Variants in DHX9 observed in about 807,000 individuals in gnomAD.
DHX9 encodes DExH-box helicase 9, also known as ATP-dependent RNA helicase A.
DHX9 carries 27 observed loss-of-function variants against 148.7 expected under a neutral mutation model. The observed-to-expected ratio is 0.18, with a 90% CI of 0.13 to 0.25. DHX9 has a LOEUF of 0.25. Among genes scored for constraint, DHX9 ranks in the 10% least tolerant of loss-of-function variants. The probability of loss-of-function intolerance (pLI) is 1.00; values close to 1 mark genes in which losing one functional copy is unlikely to be tolerated. For missense variants in DHX9, 796 were observed against 1,559.6 expected (o/e 0.51, Z 8.25); for synonymous variants, 529 against 516.6 (o/e 1.02, Z -0.33).
intron 21 of DHX9, 150 bp downstream of exon 21, chr1:182,879,560 ATAGT>A (rs1332883468): frequency 3.8e-5 from 22 of 583,670 alleles, no homozygotes; most frequent in South Asian, 2.0e-4. Context: ...CTTACCTTAG[ATAGT>A]TAGTATAGTC....
At chr1:182,860,575 G>A (rs538179430) in intron 12 of DHX9, among the ~76,000 whole-genome samples, 1 of 152,310 alleles carries the variant, frequency 6.6e-6, no homozygotes, top group African/African-American at 2.4e-5. Flanking sequence ...CTAAGCAGTA[G>A]CTTTTTAGAA....
chr1:182,874,912 AAAG>A lies in DHX9; in HGVS notation c.1780_1782del (p.Lys594del), dbSNP rs749540373. ...ACTTTGTTCCTCCACCAAAAGACAAAAAGAAGAAGGATAAGGATGATGATGGTG... is the reference window on the plus strand; with the variant it reads ...ACTTTGTTCCTCCACCAAAAGACAAAAAGAAGGATAAGGATGATGATGGTG... On this transcript the variant is annotated inframe_deletion, in exon 16 of 28. Transcript: ENST00000367549. 6.2e-6 allele frequency: 10 copies of A among 1,613,416 alleles called. No homozygotes were observed. The highest frequency in any genetic ancestry group is 1.3e-5 in the African/African-American group (1 of 74,888).
At chr1:182,867,157 C>G in intron 14 of DHX9, 114 bp downstream of exon 14, 1 of 613,196 alleles carries the variant, frequency 1.6e-6, no homozygotes, top group Non-Finnish European at 2.7e-6. Flanking sequence ...AAACCATGAA[C>G]TTCAGTCACT....
At chr1:182,877,231 A>G (rs1294537747) in intron 19 of DHX9, among the ~76,000 whole-genome samples, 2 of 152,162 alleles carry the variant, frequency 1.3e-5, no homozygotes, top group African/African-American at 4.8e-5. Flanking sequence ...TTGATGAATA[A>G]AGATGACCAG....
chr1:182,851,828 A>G (rs779392135), intron 3 of DHX9, among the ~76,000 whole-genome samples: 7 of 152,240 alleles, frequency 4.6e-5, no homozygotes, highest in Admixed American at 2.0e-4. Flanking sequence ...AAAGTATTTG[A>G]TAAAATTAAA....
In DHX9 at chr1:182,858,658, T is replaced by A; in HGVS notation, c.900+18T>A. On this transcript the variant is annotated intron_variant, in intron 9 of 27. Coordinates refer to ENST00000367549, the MANE Select transcript of DHX9 (RefSeq NM_001357.5). ...TGCCCCCGGTAAGCATAAAGCTGTT[T>A]AGTTCACATTTACGTAGAACTCTCC... is the stretch of plus-strand genomic sequence containing the variant. 2 of 1,609,338 alleles carry A rather than the reference T, an allele frequency of 1.2e-6. No individual in the cohort carries two copies. The highest frequency in any genetic ancestry group is 1.7e-6 in the Non-Finnish European group (2 of 1,176,586).
chr1:182,876,070 T>C lies in DHX9; in HGVS notation c.1836T>C (p.Cys612=). The change falls in exon 17 of 28, where the codon TGT becomes TGC. Residue 612 remains cysteine (C), a synonymous_variant. Coordinates refer to ENST00000367549, the MANE Select transcript of DHX9 (RefSeq NM_001357.5). Reference sequence around the variant, plus strand: ...TACAGGCAAATTGCAACTTGATCTGTGGTGATGAATATGGTCCAGAAACAA... The same window carrying C: ...TACAGGCAAATTGCAACTTGATCTGCGGTGATGAATATGGTCCAGAAACAA... ...EDDDANCNLI[C]GDEYGPETRL... The C allele has an allele frequency of 1.9e-6, 3 of 1,613,776 alleles. No individual in the cohort carries two copies. The highest frequency in any genetic ancestry group is 2.5e-6 in the Non-Finnish European group (3 of 1,179,782).
chr1:182,876,950 G>GT, intron 19 of DHX9, 47 bp downstream of exon 19: 6 of 1,405,216 alleles, frequency 4.3e-6, no homozygotes, highest in Non-Finnish European at 6.0e-6. Flanking sequence ...TTACTAACTG[G>GT]AAACTTCTTA....
chr1:182,886,544 G>A (rs1171780945), intron 27 of DHX9, among the ~76,000 whole-genome samples: 3 of 152,110 alleles, frequency 2.0e-5, no homozygotes, highest in Admixed American at 6.6e-5. Context: ...TGTTATTCTC[G>A]AAGAAAAGCT....
At chr1:182,858,362 C>A in intron 8 of DHX9, 122 bp downstream of exon 8, 1 of 1,196,308 alleles carries the variant, frequency 8.4e-7, no homozygotes, top group Non-Finnish European at 1.2e-6. Context: ...AATGGCCCTG[C>A]TAATCATCTC....
At chr1:182,857,009 C>T (rs1045336841) in intron 7 of DHX9, among the ~76,000 whole-genome samples, 7 of 152,098 alleles carry the variant, frequency 4.6e-5, no homozygotes, top group Non-Finnish European at 8.8e-5. Flanking sequence ...CCACCAAGCC[C>T]GGCTGATTAT....
chr1:182,857,958 T>G, intron 7 of DHX9, 146 bp from the exon 8 acceptor site: 1 of 731,700 alleles, frequency 1.4e-6, no homozygotes, highest in South Asian at 2.3e-5. Flanking sequence ...TTAGCAGATA[T>G]TAATAGAATA....
chr1:182,883,149 G>C lies in DHX9; in HGVS notation c.2925G>C (p.Leu975Phe). 6.2e-7 allele frequency: 1 copy of C among 1,613,346 alleles called. No homozygotes were observed. The highest frequency in any genetic ancestry group is 8.5e-7 in the Non-Finnish European group (1 of 1,179,384). Residue 975 changes from leucine to phenylalanine, a missense_variant, in exon 25 of 28, where the codon TTG becomes TTC. Transcript: ENST00000367549. Reference protein sequence around the residue: ...INSGFPEDCLLTQVFTNTGPD... With the variant: ...INSGFPEDCLFTQVFTNTGPD... Reference sequence around the variant, plus strand: ...TGCTCCTCTTAACAGATTGTTTGTTGACACAAGTGTTTACTAACACTGGAC... The same window carrying C: ...TGCTCCTCTTAACAGATTGTTTGTTCACACAAGTGTTTACTAACACTGGAC...
At chr1:182,847,596 C>G (rs887691131) in intron 3 of DHX9, among the ~76,000 whole-genome samples, 3 of 152,134 alleles carry the variant, frequency 2.0e-5, no homozygotes, top group Non-Finnish European at 4.4e-5. Context: ...ATTCGGGGCT[C>G]CTCCTCTCTG....
chr1:182,874,364 G>C (rs1361846115), intron 15 of DHX9, among the ~76,000 whole-genome samples: 1 of 152,206 alleles, frequency 6.6e-6, no homozygotes, highest in African/African-American at 2.4e-5. Flanking sequence ...TTTGGATATA[G>C]AGGGTGTTTT....
In DHX9 at chr1:182,868,520, C is replaced by CTTTTTTTTTTTTTTTT. The variant is rs59218081; in HGVS notation, c.1557+1491_1557+1492insTTTTTTTTTTTTTTTT. Among the ~76,000 whole-genome samples, 1,096 of 127,096 alleles carry CTTTTTTTTTTTTTTTT rather than the reference C, an allele frequency of 8.6e-3. 53 individuals carry two copies. Among genetic ancestry groups the CTTTTTTTTTTTTTTTT allele is most frequent in the African/African-American group, 0.02 (546 of 27,716 alleles). 83.4% of individuals were successfully genotyped at this position (127,096 alleles called of 152,430 possible). A position where few individuals can be genotyped will look rare whatever the true frequency, so the allele number is the denominator to read the frequency against. ...GATAATCTAACACTTATTTTAATTC[C>CTTTTTTTTTTTTTTTT]TTTTTTTTTTTTTTGAGGAGTCTTG... On this transcript the variant is annotated intron_variant, in intron 14 of 27. Coordinates refer to ENST00000367549, the MANE Select transcript of DHX9 (RefSeq NM_001357.5).
intron 6 of DHX9, among the ~76,000 whole-genome samples, chr1:182,855,343 A>G (rs948848508): frequency 1.3e-5 from 2 of 152,128 alleles, no homozygotes; most frequent in African/African-American, 4.8e-5. Flanking sequence ...GTATCTTATC[A>G]TAGATTTCTG....
chr1:182,854,309 C>A, intron 6 of DHX9, 131 bp downstream of exon 6: 2 of 818,854 alleles, frequency 2.4e-6, no homozygotes, highest in South Asian at 6.0e-5. Context: ...TAAAAGATAA[C>A]GTTAATTTGC....
At chr1:182,858,972 A>G in intron 10 of DHX9, 68 bp from the exon 11 acceptor site, 2 of 1,610,776 alleles carry the variant, frequency 1.2e-6, no homozygotes, top group Non-Finnish European at 1.7e-6. Flanking sequence ...TGTCTAGGTA[A>G]AAAATGGATT....
Sources: gnomAD v4.1 joint callset for allele counts (sites outside exome capture counted in the v4.1 genomes callset) on GRCh38, gnomAD v4.1.1 for gene constraint, MANE v1.5 for transcripts, NCBI Gene and HGNC (gene_info 2026-07-23, HGNC 2026-07-21) for gene names.